PPP2R2B: variants seen among roughly 807,000 people sequenced by gnomAD.
The protein encoded by PPP2R2B is protein phosphatase 2 regulatory subunit Bbeta.
Under a neutral mutation model 46.0 loss-of-function variants are expected in PPP2R2B, and 5 were observed. The observed-to-expected ratio is 0.11, with a 90% confidence interval of 0.06 to 0.23. The LOEUF (loss-of-function observed/expected upper bound fraction) is 0.23. Among genes scored for constraint, PPP2R2B ranks in the 10% least tolerant of loss-of-function variants. The probability of loss-of-function intolerance (pLI) is 1.00; values close to 1 mark genes in which losing one functional copy is unlikely to be tolerated. For missense variants in PPP2R2B, 367 were observed against 575.0 expected (o/e 0.64, Z 3.70); for synonymous variants, 215 against 206.7 (o/e 1.04, Z -0.34).
intron 1 of PPP2R2B, among the ~76,000 whole-genome samples, chr5:146,903,391 C>CTCT (rs1762900353): frequency 1.7e-5 from 2 of 120,852 alleles, no homozygotes; most frequent in African/African-American, 6.3e-5. Context: ...CTTTCTTTCT[C>CTCT]TTTTTTTTTT....
chr5:146,875,848 A>G (rs1260208768), intron 2 of PPP2R2B, among the ~76,000 whole-genome samples: 4 of 152,210 alleles, frequency 2.6e-5, no homozygotes, highest in South Asian at 4.1e-4. Context: ...TTCAAGGTAT[A>G]CTAACACTTC....
At chr5:146,909,801 T>G (rs1763118471) in intron 1 of PPP2R2B, among the ~76,000 whole-genome samples, 1 of 152,168 alleles carries the variant, frequency 6.6e-6, no homozygotes, top group Non-Finnish European at 1.5e-5. Flanking sequence ...GGTTTCTAGG[T>G]GGCTTTGCAC....
chr5:146,885,547 C>T (rs1411591416), intron 1 of PPP2R2B, among the ~76,000 whole-genome samples: 2 of 152,186 alleles, frequency 1.3e-5, no homozygotes, highest in South Asian at 2.1e-4. Flanking sequence ...ACAATGCAGC[C>T]ACAAATAGTT....
intron 2 of PPP2R2B, among the ~76,000 whole-genome samples, chr5:147,066,050 G>A (rs1242596994): frequency 2.6e-5 from 4 of 152,066 alleles, no homozygotes; most frequent in African/African-American, 9.7e-5. Context: ...ACTGACTCCC[G>A]AGTCAGGTTG....
rs532864261 is a variant in PPP2R2B at position 146,756,218 on chromosome 5, A to G, written c.71-55076T>C. 2.7e-4 allele frequency among the ~76,000 whole-genome samples: 41 copies of G among 152,236 alleles called. No individual in the cohort carries two copies. In the South Asian group the frequency reaches 8.5e-3, roughly 32 times the overall value. On this transcript the variant is annotated intron_variant, in intron 2 of 9. Coordinates refer to ENST00000394411, the MANE Select transcript of PPP2R2B (RefSeq NM_181675.4). Reference sequence around the variant, plus strand: ...GAGCTTGGGAATAAGAATAACTAACATTTATAGGGCATTTTATACCCTACA... The same window carrying G: ...GAGCTTGGGAATAAGAATAACTAACGTTTATAGGGCATTTTATACCCTACA...
chr5:146,751,279 G>A (rs964884323), intron 2 of PPP2R2B: 2 of 152,264 alleles, frequency 1.3e-5, no homozygotes, highest in Non-Finnish European at 2.9e-5. Flanking sequence ...GGGCATCACA[G>A]AACATAGCGG....
chr5:146,636,006 T>C (rs1468481088), intron 7 of PPP2R2B, among the ~76,000 whole-genome samples: 1 of 152,194 alleles, frequency 6.6e-6, no homozygotes, highest in East Asian at 1.9e-4. Context: ...ATGTTCATTT[T>C]CCCCCTTCTC....
intron 1 of PPP2R2B, among the ~76,000 whole-genome samples, chr5:147,027,550 T>G (rs1755582100): frequency 6.6e-6 from 1 of 150,646 alleles, no homozygotes; most frequent in African/African-American, 2.4e-5. Flanking sequence ...GGAGAATCGC[T>G]TGAACCAGGG....
chr5:146,962,625 C>G (rs1752223483), intron 1 of PPP2R2B, among the ~76,000 whole-genome samples: 2 of 151,972 alleles, frequency 1.3e-5, no homozygotes, highest in African/African-American at 2.4e-5. Context: ...CCATTGCACT[C>G]CAGACTGGGC....
chr5:146,896,258 ATGC>A (rs1762640737), intron 1 of PPP2R2B, among the ~76,000 whole-genome samples: 2 of 152,312 alleles, frequency 1.3e-5, no homozygotes, highest in South Asian at 2.1e-4. Flanking sequence ...ACCAGGTATT[ATGC>A]ATGTCTTTAT....
chr5:146,925,048 T>G (rs766417869), intron 1 of PPP2R2B, among the ~76,000 whole-genome samples: 5 of 152,206 alleles, frequency 3.3e-5, no homozygotes, highest in African/African-American at 1.2e-4. Flanking sequence ...TCCAATATAC[T>G]GCCATTCCCT....
At chr5:146,869,944 C>T (rs1761517103) in intron 2 of PPP2R2B, among the ~76,000 whole-genome samples, 1 of 152,132 alleles carries the variant, frequency 6.6e-6, no homozygotes, top group Admixed American at 6.5e-5. Context: ...TAGGGTCCTT[C>T]CTGGTGGTAT....
intron 2 of PPP2R2B, among the ~76,000 whole-genome samples, chr5:146,802,558 T>G (rs918375903): frequency 2.0e-5 from 3 of 152,136 alleles, no homozygotes; most frequent in Non-Finnish European, 4.4e-5. Flanking sequence ...TGCTTGGAAT[T>G]TCAGTATCCC....
At chr5:146,993,212 G>C (rs1242007481) in intron 1 of PPP2R2B, among the ~76,000 whole-genome samples, 1 of 149,928 alleles carries the variant, frequency 6.7e-6, no homozygotes, top group Non-Finnish European at 1.5e-5. Context: ...CAAAGTGCTG[G>C]GGTTACAGGT....
At chr5:146,680,070 A>T (rs926008855) in intron 5 of PPP2R2B, among the ~76,000 whole-genome samples, 3 of 151,418 alleles carry the variant, frequency 2.0e-5, no homozygotes, top group African/African-American at 7.3e-5. Flanking sequence ...ACTATAAATC[A>T]TGCTGCTATA....
At chr5:146,955,752 A>G (rs1057401291) in intron 1 of PPP2R2B, among the ~76,000 whole-genome samples, 5 of 150,942 alleles carry the variant, frequency 3.3e-5, no homozygotes, top group Admixed American at 2.0e-4. Flanking sequence ...GGTTGTCATT[A>G]ACAATAGTCT....
chr5:146,748,996 C>T (rs962405751), intron 2 of PPP2R2B, among the ~76,000 whole-genome samples: 3 of 152,052 alleles, frequency 2.0e-5, no homozygotes, highest in African/African-American at 7.2e-5. Context: ...AGAATTTTTT[C>T]CCTAGAATAT....
chr5:146,594,849 G>T (rs1281950685), intron 8 of PPP2R2B, among the ~76,000 whole-genome samples: 1 of 152,180 alleles, frequency 6.6e-6, no homozygotes, highest in Admixed American at 6.5e-5. Flanking sequence ...AAAGCAGAGG[G>T]AGGCTACCAA....
intron 6 of PPP2R2B, among the ~76,000 whole-genome samples, chr5:146,639,430 A>G (rs1775047670): frequency 1.3e-5 from 2 of 152,112 alleles, no homozygotes; most frequent in African/African-American, 4.8e-5. Context: ...TCTTTTATTT[A>G]TGAAGGTGAC....
Sources: gnomAD v4.1 joint callset for allele counts (sites outside exome capture counted in the v4.1 genomes callset) on GRCh38, gnomAD v4.1.1 for gene constraint, MANE v1.5 for transcripts, NCBI Gene and HGNC (gene_info 2026-07-23, HGNC 2026-07-21) for gene names.